Variants in LDB2 observed in about 807,000 individuals in gnomAD.
LDB2 encodes LIM domain binding 2.
Under a neutral mutation model 44.3 loss-of-function variants are expected in LDB2, and 12 were observed. The ratio of observed to expected loss-of-function variants is 0.27; its 90% CI spans 0.17 to 0.44. LDB2 has a LOEUF of 0.44. Among genes scored for constraint, LDB2 ranks in the 20% least tolerant of loss-of-function variants. LDB2 has a pLI of 1.00. For missense variants in LDB2, 344 were observed against 473.5 expected, an observed-to-expected ratio of 0.73 and a Z score of 2.54; for synonymous variants, 164 against 174.8, an observed-to-expected ratio of 0.94 and a Z score of 0.49.
chr4:16,600,494 CATTA>C (rs1255767696), intron 2 of LDB2, among the ~76,000 whole-genome samples: 36 of 152,134 alleles, frequency 2.4e-4, no homozygotes, highest in African/African-American at 8.7e-4. Context: ...ATATACCATA[CATTA>C]TTTATCTATG....
chr4:16,589,044 GC>G (rs1191471332), intron 3 of LDB2, among the ~76,000 whole-genome samples: 4 of 152,124 alleles, frequency 2.6e-5, no homozygotes, highest in Non-Finnish European at 5.9e-5. Context: ...CTGCTTATTG[GC>G]CATGATGTGC....
At chr4:16,511,709 C>G (rs1193782098) in intron 6 of LDB2, among the ~76,000 whole-genome samples, 1 of 152,156 alleles carries the variant, frequency 6.6e-6, no homozygotes, top group East Asian at 1.9e-4. Context: ...CTCAGCTTTG[C>G]CAATGACCTT....
chr4:16,846,422 A>G (rs1787017748), intron 1 of LDB2, among the ~76,000 whole-genome samples: 1 of 152,216 alleles, frequency 6.6e-6, no homozygotes, highest in African/African-American at 2.4e-5. Context: ...GTTGGTAAGC[A>G]AAAGATCAAA....
chr4:16,646,247 C>T (rs1042691580), intron 2 of LDB2, among the ~76,000 whole-genome samples: 1 of 152,162 alleles, frequency 6.6e-6, no homozygotes, highest in Non-Finnish European at 1.5e-5. Context: ...GTAGAAATCT[C>T]TCTTTCCGCT....
At chr4:16,609,732 A>T (rs1055445122) in intron 2 of LDB2, among the ~76,000 whole-genome samples, 4 of 152,196 alleles carry the variant, frequency 2.6e-5, no homozygotes, top group African/African-American at 9.6e-5. Context: ...GGAGGGGGAG[A>T]GGTGGCTGCA....
chr4:16,615,184 A>G (rs1726921381), intron 2 of LDB2, among the ~76,000 whole-genome samples: 1 of 152,088 alleles, frequency 6.6e-6, no homozygotes, highest in Admixed American at 6.5e-5. Flanking sequence ...ACCATTGTGG[A>G]AGACAGTTTA....
chr4:16,770,249 A>T (rs532836107), intron 1 of LDB2, among the ~76,000 whole-genome samples: 1 of 152,198 alleles, frequency 6.6e-6, no homozygotes, highest in Non-Finnish European at 1.5e-5. Context: ...TATCTAACAC[A>T]TGGCAGGAAG....
At chr4:16,774,102 C>A (rs1200323003) in intron 1 of LDB2, among the ~76,000 whole-genome samples, 1 of 145,700 alleles carries the variant, frequency 6.9e-6, no homozygotes, top group Non-Finnish European at 1.5e-5. Context: ...TTGCAGTGAG[C>A]CAAGATCACG....
chr4:16,654,306 G>T (rs1004132737), intron 2 of LDB2, among the ~76,000 whole-genome samples: 3 of 152,156 alleles, frequency 2.0e-5, no homozygotes, highest in African/African-American at 7.2e-5. Flanking sequence ...GTTGATTTTT[G>T]CAGAATAGGT....
At chr4:16,610,620 G>A (rs180778545) in intron 2 of LDB2, among the ~76,000 whole-genome samples, 1 of 151,354 alleles carries the variant, frequency 6.6e-6, no homozygotes, top group Non-Finnish European at 1.5e-5. Context: ...TATCAGCTTG[G>A]AGACCACCTT....
At chr4:16,519,864 T>G (rs571516479) in intron 5 of LDB2, among the ~76,000 whole-genome samples, 22 of 151,960 alleles carry the variant, frequency 1.4e-4, no homozygotes, top group African/African-American at 5.1e-4. Context: ...AACACTGTTG[T>G]GATGAGAAAT....
chr4:16,755,629 C>CCT (rs1430619693), intron 2 of LDB2, among the ~76,000 whole-genome samples: 1 of 151,872 alleles, frequency 6.6e-6, no homozygotes, highest in Non-Finnish European at 1.5e-5. Context: ...ACCCACCTAA[C>CCT]CTCTCTGGAC....
intron 2 of LDB2, among the ~76,000 whole-genome samples, chr4:16,755,475 GTGTGT>G (rs1561113143): frequency 9.1e-4 from 14 of 15,462 alleles, no homozygotes; most frequent in Non-Finnish European, 1.5e-3. Context: ...GGAATAGGGT[GTGTGT>G]GTGTGTGTGT....
At chr4:16,824,148 A>G (rs562303043) in intron 1 of LDB2, among the ~76,000 whole-genome samples, 2 of 152,368 alleles carry the variant, frequency 1.3e-5, no homozygotes, top group South Asian at 4.1e-4. Context: ...GGGAGGGCAG[A>G]CCACCGTCCT....
intron 2 of LDB2, among the ~76,000 whole-genome samples, chr4:16,623,066 CTT>C (rs1007094247): frequency 2.0e-5 from 3 of 152,134 alleles, no homozygotes; most frequent in African/African-American, 7.2e-5. Context: ...AGGCCCTTGT[CTT>C]TTTATTTATT....
chr4:16,537,894 C>A (rs1732411449), intron 5 of LDB2, among the ~76,000 whole-genome samples: 1 of 152,172 alleles, frequency 6.6e-6, no homozygotes, highest in Non-Finnish European at 1.5e-5. Flanking sequence ...AGGGCACTGG[C>A]AAGAAGGTCT....
intron 7 of LDB2, chr4:16,503,173 C>G: frequency 2.6e-6 from 4 of 1,532,864 alleles, no homozygotes; most frequent in Non-Finnish European, 2.6e-6. Context: ...TTAAAAAAAT[C>G]CATGCTTTCA....
intron 2 of LDB2, among the ~76,000 whole-genome samples, chr4:16,652,374 C>T (rs1578489212): frequency 6.6e-6 from 1 of 152,190 alleles, no homozygotes; most frequent in Admixed American, 6.5e-5. Flanking sequence ...TGAAAAGCTA[C>T]TTAAACAGAT....
intron 1 of LDB2, among the ~76,000 whole-genome samples, chr4:16,871,004 T>C (rs2110342449): frequency 6.6e-6 from 1 of 152,330 alleles, no homozygotes; most frequent in South Asian, 2.1e-4. Context: ...CTCTGGCAAA[T>C]GAGTGAGACC....
Sources: gnomAD v4.1 joint callset for allele counts (sites outside exome capture counted in the v4.1 genomes callset) on GRCh38, gnomAD v4.1.1 for gene constraint, MANE v1.5 for transcripts, NCBI Gene and HGNC (gene_info 2026-07-23, HGNC 2026-07-21) for gene names.